Variants in RBM6 observed in about 807,000 individuals in gnomAD.
RBM6 encodes RNA-binding protein 6.
RBM6 carries 23 observed loss-of-function variants against 140.4 expected under a neutral mutation model. That is an observed-to-expected ratio of 0.16 (90% CI 0.12 to 0.23). The LOEUF is 0.23. Among genes scored for constraint, RBM6 ranks in the 10% least tolerant of loss-of-function variants. The pLI, the probability that RBM6 is intolerant of heterozygous loss-of-function variation, is 1.00. For missense variants in RBM6, 1,139 were observed against 1,386.7 expected, an observed-to-expected ratio of 0.82 and a Z score of 2.84; for synonymous variants, 439 against 475.6, an observed-to-expected ratio of 0.92 and a Z score of 1.00.
rs750131367 is a variant in RBM6 at position 50,026,383 on chromosome 3, C to CTT, written c.1558-21849_1558-21848dup. Among the ~76,000 whole-genome samples the CTT allele has an allele frequency of 3.9e-3, 500 of 127,664 alleles. 3 individuals are homozygous for CTT. The highest frequency in any genetic ancestry group is 0.014 in the African/African-American group (483 of 34,708). 83.8% of individuals were successfully genotyped at this position (127,664 alleles called of 152,430 possible). A position where few individuals can be genotyped will look rare whatever the true frequency, so the allele number is the denominator to read the frequency against. On this transcript the variant is annotated intron_variant, in intron 6 of 20. Transcript: ENST00000266022. ...TAGGCGTGAGCCACTGTGCCCGGCC[C>CTT]TTTTTTTTTTTTTTGGAGACAGAAT...
intron 5 of RBM6, among the ~76,000 whole-genome samples, chr3:49,988,708 C>T (rs1055613622): frequency 2.0e-5 from 3 of 152,054 alleles, no homozygotes; most frequent in Non-Finnish European, 4.4e-5. Flanking sequence ...GTGGCTAATG[C>T]CTGTAAATCC....
intron 1 of RBM6, among the ~76,000 whole-genome samples, chr3:49,945,098 A>G (rs763410338): frequency 1.1e-4 from 16 of 149,138 alleles, no homozygotes; most frequent in Non-Finnish European, 2.2e-4. Context: ...GATAGTCTCC[A>G]TCTCCTGACC....
intron 5 of RBM6, among the ~76,000 whole-genome samples, chr3:49,998,036 G>A (rs1181267511): frequency 6.6e-6 from 1 of 152,182 alleles, no homozygotes; most frequent in Admixed American, 6.5e-5. Context: ...GTTTCTAGTA[G>A]ATTGTTTTTC....
chr3:49,960,750 G>A (rs949994585), intron 1 of RBM6, among the ~76,000 whole-genome samples: 1 of 152,116 alleles, frequency 6.6e-6, no homozygotes, highest in African/African-American at 2.4e-5. Context: ...GCTCATGCTG[G>A]ATGGTGTCCG....
intron 7 of RBM6, among the ~76,000 whole-genome samples, chr3:50,051,583 G>C (rs1199983847): frequency 6.6e-6 from 1 of 152,246 alleles, no homozygotes. Context: ...AGAGGTTGCG[G>C]TGAGCTGAAA....
chr3:50,034,995 C>CCCTCTCCTCT (rs58547431), intron 6 of RBM6, among the ~76,000 whole-genome samples: 60,879 of 126,506 alleles, frequency 0.48, 16,088 homozygotes, highest in East Asian at 0.84. Flanking sequence ...CTCTCCTCTT[C>CCCTCTCCTCT]CCTCTCCTCT....
intron 6 of RBM6, among the ~76,000 whole-genome samples, chr3:50,036,505 C>G (rs1490069198): frequency 1.3e-5 from 2 of 151,696 alleles, no homozygotes; most frequent in African/African-American, 2.4e-5. Flanking sequence ...TTCCCTCACT[C>G]TATACATATC....
intron 5 of RBM6, among the ~76,000 whole-genome samples, chr3:49,980,485 C>T (rs1292310615): frequency 2.0e-5 from 3 of 151,776 alleles, no homozygotes; most frequent in South Asian, 4.2e-4. Context: ...TGGGGCCACA[C>T]GCGGTGGCTC....
In RBM6 at chr3:50,021,740, C is replaced by CTTTTTTTTTTTTTTTTTTT. The variant is rs542734328; in HGVS notation, c.1557+22239_1557+22257dup. On this transcript the variant is annotated intron_variant, in intron 6 of 20. Coordinates refer to ENST00000266022, the MANE Select transcript of RBM6 (RefSeq NM_005777.3). ...ATCTCCATACTGAGGAATTTAAGTG[C>CTTTTTTTTTTTTTTTTTTT]TTTTTTTTTTTTTTTTTTTTTTTTT... 2.6e-4 allele frequency among the ~76,000 whole-genome samples: 11 copies of CTTTTTTTTTTTTTTTTTTT among 42,752 alleles called. 4 individuals are homozygous for CTTTTTTTTTTTTTTTTTTT. Among genetic ancestry groups the CTTTTTTTTTTTTTTTTTTT allele is most frequent in the East Asian group, 1.7e-3 (2 of 1,146 alleles). The allele number at this position is 42,752 out of a possible 152,430, so 28.0% of individuals were successfully genotyped here. A position where few individuals can be genotyped will look rare whatever the true frequency, so the allele number is the denominator to read the frequency against.
chr3:50,077,082 C>T lies in RBM6; in HGVS notation c.3321C>T (p.Tyr1107=), dbSNP rs7061. ...GCAAAAGACAGTCCAACGAGACTTA[C>T]CGAGATGCTGTTCGAAGAGTCATGT... The part of the protein sequence containing the change: ...RTSKRQSNET[Y]RDAVRRVMFA... Residue 1107 remains tyrosine, a synonymous_variant, in exon 21 of 21, where the codon TAC becomes TAT. Coordinates refer to ENST00000266022, the MANE Select transcript of RBM6 (RefSeq NM_005777.3). 0.61 allele frequency: 983,553 copies of T among 1,611,704 alleles called. 306,831 individuals carry two copies. Among genetic ancestry groups the T allele is most frequent in the East Asian group, 0.87 (39,060 of 44,816 alleles).
chr3:50,024,931 C>T (rs2087714205), intron 6 of RBM6, among the ~76,000 whole-genome samples: 1 of 151,430 alleles, frequency 6.6e-6, no homozygotes, highest in Admixed American at 6.6e-5. Context: ...ATGGAGCTTG[C>T]AGTGAGCCGA....
At chr3:50,033,245 C>T (rs1257620682) in intron 6 of RBM6, among the ~76,000 whole-genome samples, 1 of 151,912 alleles carries the variant, frequency 6.6e-6, no homozygotes, top group Non-Finnish European at 1.5e-5. Flanking sequence ...TGCAGTGAGC[C>T]AAGACTGTGC....
At chr3:50,019,712 G>A (rs909789899) in intron 6 of RBM6, among the ~76,000 whole-genome samples, 3 of 152,072 alleles carry the variant, frequency 2.0e-5, no homozygotes, top group African/African-American at 4.8e-5. Flanking sequence ...TGGGAAGAAA[G>A]CATCTAGTCT....
At chr3:49,982,262 C>CTTTTCTTTTTTT (rs2085338846) in intron 5 of RBM6, among the ~76,000 whole-genome samples, 5 of 68,424 alleles carry the variant, frequency 7.3e-5, no homozygotes, top group African/African-American at 2.4e-4. Context: ...CTTTTCTTTT[C>CTTTTCTTTTTTT]TTTTTTTTTT....
intron 5 of RBM6, among the ~76,000 whole-genome samples, chr3:49,985,388 C>T (rs1415962728): frequency 6.6e-6 from 1 of 152,104 alleles, no homozygotes; most frequent in East Asian, 1.9e-4. Flanking sequence ...ACATCTGATG[C>T]GACCTATGCT....
In RBM6 at chr3:50,068,670, A is replaced by G; in HGVS notation, c.2944-20A>G. ...CATTGTTTCTTAGACCTATACTCAT[A>G]GAATTGCCTCTCTTCTCAGCAAAAC... On this transcript the variant is annotated intron_variant, in intron 17 of 20. Coordinates refer to ENST00000266022, the MANE Select transcript of RBM6 (RefSeq NM_005777.3). The G allele has an allele frequency of 6.2e-7, 1 of 1,611,520 alleles. No individual in the cohort carries two copies.
intron 7 of RBM6, chr3:50,053,873 T>C (rs2089588957): frequency 6.5e-6 from 1 of 153,620 alleles, no homozygotes; most frequent in Non-Finnish European, 1.4e-5. Context: ...AGAGACACTA[T>C]CTGTATCTCT....
At chr3:49,998,346 C>G (rs1248259145) in intron 5 of RBM6, among the ~76,000 whole-genome samples, 1 of 152,056 alleles carries the variant, frequency 6.6e-6, no homozygotes, top group Non-Finnish European at 1.5e-5. Flanking sequence ...TTGTGTTTTT[C>G]TTTGCCTGAG....
At chr3:49,995,088 A>G (rs959093201) in intron 5 of RBM6, among the ~76,000 whole-genome samples, 1 of 152,072 alleles carries the variant, frequency 6.6e-6, no homozygotes, top group Non-Finnish European at 1.5e-5. Flanking sequence ...ATTGAATACT[A>G]TTTATCAGGG....
Sources: allele counts gnomAD v4.1 joint callset (sites outside exome capture counted in the v4.1 genomes callset), GRCh38; gene constraint gnomAD v4.1.1; transcripts MANE v1.5; gene names NCBI Gene and HGNC (gene_info 2026-07-23, HGNC 2026-07-21).